The following DHX38 variants were observed in gnomAD, a reference collection of about 807,000 sequenced individuals.
The protein encoded by DHX38 is DEAH-box helicase 38.
A neutral mutation model predicts 153.1 loss-of-function variants in DHX38; 100 were observed. The observed-to-expected ratio is 0.65, with a 90% CI of 0.56 to 0.77. DHX38 has a LOEUF of 0.77. Ranked by LOEUF, DHX38 falls within the 30% of genes least tolerant of loss-of-function variation. The pLI is 0.00. For missense variants in DHX38, 1,440 were observed against 1,654.0 expected, an observed-to-expected ratio of 0.87 and a Z score of 2.24; for synonymous variants, 650 against 631.7, an observed-to-expected ratio of 1.03 and a Z score of -0.43.
chr16:72,108,567 G>A lies in DHX38; in HGVS notation c.3215G>A (p.Cys1072Tyr), dbSNP rs1264566774. 2 of 1,614,172 alleles carry A rather than the reference G, an allele frequency of 1.2e-6. No homozygotes were observed. The highest frequency in any genetic ancestry group is 1.7e-6 in the Non-Finnish European group (2 of 1,180,020). Reference sequence around the variant, plus strand: ...ACTGACTGGGACATCGTCAGGAAGTGCATCTGTGCTGCCTATTTCCACCAA... The same window carrying A: ...ACTGACTGGGACATCGTCAGGAAGTACATCTGTGCTGCCTATTTCCACCAA... ...CGTDWDIVRK[C>Y]ICAAYFHQAA... The change falls in exon 23 of 27, where the codon TGC (cysteine) becomes TAC (tyrosine). Residue 1072 changes from cysteine to tyrosine, a missense_variant. Transcript: ENST00000268482.
At chr16:72,111,436 G>A (rs1399470681) in intron 26 of DHX38, among the ~76,000 whole-genome samples, 5 of 152,186 alleles carry the variant, frequency 3.3e-5, no homozygotes, top group Admixed American at 3.3e-4. Flanking sequence ...GACTTGACAG[G>A]TCGCAGGCAC....
intron 7 of DHX38, 70 bp downstream of exon 7, chr16:72,099,350 G>A: frequency 2.9e-6 from 4 of 1,390,584 alleles, no homozygotes; most frequent in Non-Finnish European, 3.9e-6. Context: ...CCCTCTAGCA[G>A]GACTGGGCTT....
At chr16:72,105,703 GCTCC>G in intron 18 of DHX38, 79 bp downstream of exon 18, 2 of 1,412,192 alleles carry the variant, frequency 1.4e-6, no homozygotes, top group Non-Finnish European at 2.0e-6. Flanking sequence ...CCAGGGCCTC[GCTCC>G]TGGCCCTGGG....
At chr16:72,097,431 G>A (rs1597438575) in intron 3 of DHX38, 9 of 487,782 alleles carry the variant, frequency 1.8e-5, no homozygotes, top group East Asian at 3.4e-5. Context: ...CTGTAAACTC[G>A]CACTAGTATT....
At chr16:72,108,070 T>A (rs1219867008) in intron 21 of DHX38, among the ~76,000 whole-genome samples, 157 bp from the exon 22 acceptor site, 1 of 152,218 alleles carries the variant, frequency 6.6e-6, no homozygotes, top group African/African-American at 2.4e-5. Flanking sequence ...TAGACCTTTT[T>A]AAAAATTATT....
chr16:72,109,578 T>C (rs2042231504), intron 25 of DHX38, 68 bp downstream of exon 25: 4 of 1,454,686 alleles, frequency 2.7e-6, no homozygotes, highest in Non-Finnish European at 3.7e-6. Context: ...CCGCTTGGTA[T>C]TGAAGACTTG....
chr16:72,095,818 G>C (rs899608376), intron 1 of DHX38, among the ~76,000 whole-genome samples: 1 of 152,108 alleles, frequency 6.6e-6, no homozygotes, highest in African/African-American at 2.4e-5. Flanking sequence ...GCTGACATCA[G>C]GCTCTAGAAA....
chr16:72,096,153 C>G lies in DHX38; in HGVS notation c.-5C>G, dbSNP rs372499899. On this transcript the variant is annotated 5_prime_UTR_variant, in exon 2 of 27. Transcript: ENST00000268482. ...CTTCCTTCCAGAGAAATCCCAGATCCTGTGATGGGGGACACCAGTGAGGAT... is the reference window on the plus strand; with the variant it reads ...CTTCCTTCCAGAGAAATCCCAGATCGTGTGATGGGGGACACCAGTGAGGAT... 1 of 1,590,546 alleles carries G rather than the reference C, an allele frequency of 6.3e-7. No homozygotes were observed. Among genetic ancestry groups the G allele is most frequent in the Non-Finnish European group, 8.6e-7 (1 of 1,163,208 alleles).
At chr16:72,111,697 C>G (rs1199341617) in intron 26 of DHX38, among the ~76,000 whole-genome samples, 1 of 152,242 alleles carries the variant, frequency 6.6e-6, no homozygotes, top group East Asian at 1.9e-4. Context: ...TCCTCAGGAC[C>G]ACGTCCCCCC....
rs199675652 is a variant in DHX38, at chr16:72,104,657, C to G, written c.2151+31C>G. 1,125 of 1,613,456 alleles carry G rather than the reference C, an allele frequency of 7.0e-4. 1 individual carries two copies. Among genetic ancestry groups the G allele is most frequent in the Non-Finnish European group, 9.0e-4 (1,066 of 1,179,694 alleles). On this transcript the variant is annotated intron_variant, in intron 15 of 26. Coordinates refer to ENST00000268482, the MANE Select transcript of DHX38 (RefSeq NM_014003.4). This position sits in a 1 kb window ranked among gnomAD's most constrained non-coding sequence, Gnocchi z 4.5. The stretch of plus-strand genomic sequence containing the variant: ...GAGGCCACCATGTTACGAACTGACC[C>G]TTCCATGCCACGCACTTCTCTGATG...
rs1158029634 is a variant in DHX38 at position 72,112,506 on chromosome 16, T to C, written c.*9T>C. On this transcript the variant is annotated 3_prime_UTR_variant, in exon 27 of 27. Coordinates refer to ENST00000268482, the MANE Select transcript of DHX38 (RefSeq NM_014003.4). ...CCCGCTTTGGTCTGTGAGCTGAGGC[T>C]GTCCCCAGAGAGGATGGCAGCAGGT... 6.2e-7 allele frequency: 1 copy of C among 1,611,764 alleles called. No homozygotes were observed. Among genetic ancestry groups the C allele is most frequent in the Non-Finnish European group, 8.5e-7 (1 of 1,179,968 alleles).
At chr16:72,109,974 C>A (rs758301172) in intron 25 of DHX38, among the ~76,000 whole-genome samples, 10 of 152,142 alleles carry the variant, frequency 6.6e-5, no homozygotes, top group Non-Finnish European at 1.3e-4. Context: ...GTGCCGTTAT[C>A]ACTCATAAAA....
Position 72,103,602 on chromosome 16 carries a change from A to G in DHX38, c.1638A>G (p.Arg546=). ...AVQQELLTII[R]DNSIVIVVGE... ...GCCCTTTGCCTGCTTGTCCTTGTAG[A>G]GACAACAGCATCGTGATCGTGGTTG... The change falls in exon 13 of 27, where the codon AGA becomes AGG. Residue 546 remains arginine, a splice_region_variant and synonymous_variant. Transcript: ENST00000268482. 6.2e-7 allele frequency: 1 copy of G among 1,604,428 alleles called. No individual in the cohort carries two copies. The highest frequency in any genetic ancestry group is 8.5e-7 in the Non-Finnish European group (1 of 1,171,864).
At chr16:72,105,652 T>C (rs754124517) in intron 18 of DHX38, 28 bp downstream of exon 18, 1 of 1,610,064 alleles carries the variant, frequency 6.2e-7, no homozygotes, top group South Asian at 1.1e-5. Context: ...AGGCAAGGCC[T>C]GGGTGTTCAC....
In DHX38 at chr16:72,099,785, C is replaced by T; in HGVS notation, c.1014C>T (p.Asn338=). Residue 338 remains asparagine, a synonymous_variant, in exon 8 of 27, where the codon AAC becomes AAT. Transcript: ENST00000268482. Reference sequence around the variant, plus strand: ...ACGAGGGCTATGACGAGTTCCACAACCCGCTGGCCTACTCCTCCGAGGACT... The same window carrying T: ...ACGAGGGCTATGACGAGTTCCACAATCCGCTGGCCTACTCCTCCGAGGACT... ...MMDEGYDEFH[N]PLAYSSEDYV... is the part of the protein sequence containing the mutation. 1 of 1,614,190 alleles carries T rather than the reference C, an allele frequency of 6.2e-7. No homozygotes were observed. The highest frequency in any genetic ancestry group is 1.1e-5 in the South Asian group (1 of 91,076).
intron 18 of DHX38, 36 bp downstream of exon 18, chr16:72,105,660 C>G (rs1356533124): frequency 6.2e-6 from 10 of 1,606,022 alleles, no homozygotes; most frequent in Non-Finnish European, 8.5e-6. Flanking sequence ...CCTGGGTGTT[C>G]ACCAGAAGCT....
chr16:72,112,117 T>C (rs1367579987), intron 26 of DHX38: 3 of 454,950 alleles, frequency 6.6e-6, no homozygotes, highest in African/African-American at 3.9e-5. Context: ...TGCTACACAG[T>C]TGGAGTGGCG....
intron 8 of DHX38, 108 bp downstream of exon 8, chr16:72,099,995 C>A: frequency 7.1e-7 from 1 of 1,418,282 alleles, no homozygotes; most frequent in Non-Finnish European, 9.5e-7. Context: ...CCCCTGATTG[C>A]CGAGAAGCCC....
intron 26 of DHX38, among the ~76,000 whole-genome samples, chr16:72,111,653 G>A (rs2042258258): frequency 6.6e-6 from 1 of 152,204 alleles, no homozygotes; most frequent in Non-Finnish European, 1.5e-5. Context: ...ATAGAGCAAG[G>A]TCTGGGAGGG....
Sources: allele counts gnomAD v4.1 joint callset (sites outside exome capture counted in the v4.1 genomes callset), GRCh38; gene constraint gnomAD v4.1.1; non-coding constraint Gnocchi (gnomAD v3.1); transcripts MANE v1.5; gene names NCBI Gene and HGNC (gene_info 2026-07-23, HGNC 2026-07-21).